The following KAT6A variants were observed in gnomAD, a reference collection of about 807,000 sequenced individuals.
KAT6A encodes the protein lysine acetyltransferase 6A, also known as histone acetyltransferase KAT6A.
KAT6A carries 9 observed loss-of-function variants against 198.4 expected under a neutral mutation model. That is an observed-to-expected ratio of 0.05 (90% CI 0.03 to 0.08). The LOEUF (loss-of-function observed/expected upper bound fraction) is 0.08. KAT6A is among the 10% of genes least tolerant of loss of function. The pLI is 1.00. For missense variants in KAT6A, 2,077 were observed against 2,509.9 expected (o/e 0.83, Z 3.69); for synonymous variants, 890 against 883.0 (o/e 1.01, Z -0.14).
At chr8:42,033,903 G>A (rs993567365) in intron 2 of KAT6A, among the ~76,000 whole-genome samples, 5 of 152,060 alleles carry the variant, frequency 3.3e-5, no homozygotes, top group Non-Finnish European at 5.9e-5. Flanking sequence ...CGAAAAACAA[G>A]AACCTAAATT....
chr8:41,947,829 G>A lies in KAT6A; in HGVS notation c.1824C>T (p.Tyr608=), dbSNP rs772057062. 16 of 1,610,104 alleles carry A rather than the reference G, an allele frequency of 9.9e-6. No individual in the cohort carries two copies. The highest frequency in any genetic ancestry group is 4.5e-5 in the East Asian group (2 of 44,768). ...CATAAAAAAGAAATGGCTCCACATC[G>A]TAATAGAGGGTTTTGTGGTCAAGAA... The part of the protein sequence containing the change: ...KLFLDHKTLY[Y]DVEPFLFYVL... Residue 608 remains tyrosine (Y), a synonymous_variant, in exon 11 of 17, where the codon TAC becomes TAT. Transcript: ENST00000265713.
chr8:41,995,311 G>T (rs944956332), intron 2 of KAT6A, among the ~76,000 whole-genome samples: 7 of 152,168 alleles, frequency 4.6e-5, no homozygotes, highest in African/African-American at 9.7e-5. Flanking sequence ...AACTAAGTAA[G>T]ATTTCTGCCA....
Position 41,932,103 on chromosome 8 carries a change from C to A in KAT6A, c.*102G>T. The A allele has an allele frequency of 9.3e-7, 1 of 1,079,168 alleles. No individual in the cohort carries two copies. Among genetic ancestry groups the A allele is most frequent in the Non-Finnish European group, 1.2e-6 (1 of 824,050 alleles). 66.8% of individuals were successfully genotyped at this position (1,079,168 alleles called of 1,614,324 possible). A position where few individuals can be genotyped will look rare whatever the true frequency, so the allele number is the denominator to read the frequency against. On this transcript the variant is annotated 3_prime_UTR_variant, in exon 17 of 17. Coordinates refer to ENST00000265713, the MANE Select transcript of KAT6A (RefSeq NM_006766.5). ...AAGAAAAATTCCTCTAAATCTACAG[C>A]AATATTTTAACTGGAAAAAGGTCCA...
At chr8:41,964,455 A>G (rs1332146452) in intron 8 of KAT6A, among the ~76,000 whole-genome samples, 2 of 152,138 alleles carry the variant, frequency 1.3e-5, no homozygotes, top group East Asian at 3.8e-4. Flanking sequence ...ATAGTATTAA[A>G]TGTTATACAA....
chr8:41,973,818 T>G (rs4130247), intron 8 of KAT6A, among the ~76,000 whole-genome samples: 15,713 of 152,090 alleles, frequency 0.1, 1,046 homozygotes, highest in East Asian at 0.24. Flanking sequence ...TTAAGGGATA[T>G]GTACAACTCC....
chr8:41,929,932 TTC>T lies in KAT6A; in HGVS notation c.*2271_*2272del, dbSNP rs1042482571. Reference sequence around the variant, plus strand: ...AGTCACTAACAGTGAGTTTTTAAATTTCTTTTTTAGAAGATTACCCAAGTTAT... The same window carrying T: ...AGTCACTAACAGTGAGTTTTTAAATTTTTTTTAGAAGATTACCCAAGTTAT... On this transcript the variant is annotated 3_prime_UTR_variant, in exon 17 of 17. Coordinates refer to ENST00000265713, the MANE Select transcript of KAT6A (RefSeq NM_006766.5). 4.6e-6 allele frequency: 1 copy of T among 217,388 alleles called. No individual in the cohort carries two copies. Among genetic ancestry groups the T allele is most frequent in the African/African-American group, 2.2e-5 (1 of 44,480 alleles). 13.5% of individuals were successfully genotyped at this position (217,388 alleles called of 1,614,324 possible). A position where few individuals can be genotyped will look rare whatever the true frequency, so the allele number is the denominator to read the frequency against.
At chr8:41,947,721 T>C (rs764780417) in intron 11 of KAT6A, 30 bp downstream of exon 11, 3 of 1,564,364 alleles carry the variant, frequency 1.9e-6, no homozygotes, top group African/African-American at 2.8e-5. Context: ...TCTATATGAG[T>C]TCAAACAAAC....
rs1822563081 is a variant in KAT6A, at chr8:41,949,441, T to TGC, written c.1599-80_1599-79dup. 8.8e-6 allele frequency: 10 copies of TGC among 1,135,916 alleles called. 1 individual carries two copies. Among genetic ancestry groups the TGC allele is most frequent in the East Asian group, 8.6e-5 (3 of 34,790 alleles). The allele number at this position is 1,135,916 out of a possible 1,614,324, so 70.4% of individuals were successfully genotyped here. A position where few individuals can be genotyped will look rare whatever the true frequency, so the allele number is the denominator to read the frequency against. On this transcript the variant is annotated intron_variant, in intron 9 of 16. Transcript: ENST00000265713. ...CAAACTTCCACAATTATCATCTTTT[T>TGC]GCCTCTCATTACTACCCAGGTAACA...
chr8:42,020,160 A>T (rs1263690220), intron 2 of KAT6A, among the ~76,000 whole-genome samples: 1 of 152,196 alleles, frequency 6.6e-6, no homozygotes, highest in Non-Finnish European at 1.5e-5. Context: ...AATCCAGTCT[A>T]CCACCTGGTT....
chr8:42,009,836 G>A (rs1390363566), intron 2 of KAT6A, among the ~76,000 whole-genome samples: 1 of 139,710 alleles, frequency 7.2e-6, no homozygotes, highest in Non-Finnish European at 1.5e-5. Context: ...GAAAACAGAG[G>A]CTACAGTGAG....
At chr8:41,995,037 C>A in intron 2 of KAT6A, among the ~76,000 whole-genome samples, 1 of 150,940 alleles carries the variant, frequency 6.6e-6, no homozygotes, top group Non-Finnish European at 1.5e-5. Flanking sequence ...GCCTGGGCAA[C>A]AAGAGCGAGA....
chr8:41,958,091 T>C (rs1242134013), intron 8 of KAT6A: 2 of 152,178 alleles, frequency 1.3e-5, no homozygotes, highest in African/African-American at 2.4e-5. Context: ...GGAGAAGAGA[T>C]GGCTTTCTGG....
At chr8:42,013,930 C>T (rs554656553) in intron 2 of KAT6A, among the ~76,000 whole-genome samples, 3 of 152,230 alleles carry the variant, frequency 2.0e-5, no homozygotes, top group East Asian at 3.9e-4. Context: ...GTTCTGAGGT[C>T]ACAGGGTCTC....
chr8:41,992,167 C>T (rs1034547577), intron 2 of KAT6A, among the ~76,000 whole-genome samples: 2 of 151,558 alleles, frequency 1.3e-5, no homozygotes, highest in African/African-American at 4.9e-5. Flanking sequence ...TGCCACTGCA[C>T]CCCAGCCTAG....
intron 2 of KAT6A, among the ~76,000 whole-genome samples, chr8:42,016,819 C>A (rs1328427577): frequency 6.6e-6 from 1 of 151,984 alleles, no homozygotes; most frequent in Non-Finnish European, 1.5e-5. Context: ...TTTAAAGATA[C>A]TAAAAACTTA....
chr8:41,962,336 C>G (rs1420866514), intron 8 of KAT6A, among the ~76,000 whole-genome samples: 1 of 152,086 alleles, frequency 6.6e-6, no homozygotes, highest in African/African-American at 2.4e-5. Flanking sequence ...TCAGGTTTAA[C>G]ACATCCAAAA....
intron 2 of KAT6A, among the ~76,000 whole-genome samples, chr8:41,996,550 G>A (rs1825213699): frequency 6.6e-6 from 1 of 152,198 alleles, no homozygotes; most frequent in South Asian, 2.1e-4. Context: ...AGAGGTGGGG[G>A]CTTTCGGAAG....
At chr8:42,013,054 T>A (rs1182132128) in intron 2 of KAT6A, among the ~76,000 whole-genome samples, 1 of 151,678 alleles carries the variant, frequency 6.6e-6, no homozygotes, top group Non-Finnish European at 1.5e-5. Context: ...GGGAGGGTGA[T>A]GACTACAAAA....
Position 41,968,106 on chromosome 8 carries a change from A to G in KAT6A, c.1482+6598T>C, listed in dbSNP as rs547767932. 3.4e-3 allele frequency among the ~76,000 whole-genome samples: 515 copies of G among 152,264 alleles called. 6 individuals are homozygous for G. The highest frequency in any genetic ancestry group is 0.012 in the African/African-American group (493 of 41,566). ...AAAACACCAAAAGCAACGGCAACAAAAGCCAAAATTGACAAATGGGATCTA... is the reference window on the plus strand; with the variant it reads ...AAAACACCAAAAGCAACGGCAACAAGAGCCAAAATTGACAAATGGGATCTA... On this transcript the variant is annotated intron_variant, in intron 8 of 16. Transcript: ENST00000265713.
Sources: allele counts gnomAD v4.1 joint callset (sites outside exome capture counted in the v4.1 genomes callset), GRCh38; gene constraint gnomAD v4.1.1; transcripts MANE v1.5; gene names NCBI Gene and HGNC (gene_info 2026-07-23, HGNC 2026-07-21).